THAP2: variants seen among roughly 807,000 people sequenced by gnomAD.
THAP2 encodes the protein THAP domain-containing protein 2.
Under a neutral mutation model 18.8 loss-of-function variants are expected in THAP2, and 16 were observed. That is an observed-to-expected ratio of 0.85 (90% confidence interval 0.58 to 1.29). The LOEUF is 1.29. Among genes scored for constraint, THAP2 ranks in the 50% most tolerant of loss-of-function variants. The pLI is 0.00. For missense variants in THAP2, 251 were observed against 265.3 expected, an observed-to-expected ratio of 0.95 and a Z score of 0.38; for synonymous variants, 80 against 89.2, an observed-to-expected ratio of 0.90 and a Z score of 0.58.
intron 1 of THAP2, among the ~76,000 whole-genome samples, chr12:71,668,636 G>A (rs1423302980): frequency 1.3e-5 from 2 of 152,178 alleles, no homozygotes; most frequent in Non-Finnish European, 1.5e-5. Context: ...TCATGGAAGA[G>A]AAGTCCTATG....
Position 71,676,932 on chromosome 12 carries a change from T to C in THAP2, c.511T>C (p.Cys171Arg). 6.2e-7 allele frequency: 1 copy of C among 1,613,816 alleles called. No homozygotes were observed. The highest frequency in any genetic ancestry group is 8.5e-7 in the Non-Finnish European group (1 of 1,179,748). ...AACTCGAAGATGGATCAAAGCCACGTGTTTGGTAAAGAATTTAGAAGCAAA... is the reference window on the plus strand; with the variant it reads ...AACTCGAAGATGGATCAAAGCCACGCGTTTGGTAAAGAATTTAGAAGCAAA... ...RATRRWIKAT[C>R]LVKNLEANSV... Residue 171 changes from cysteine to arginine, a missense_variant, in exon 3 of 3, where the codon TGT becomes CGT. Physicochemically the swap from Cys to Arg is radical, Grantham distance 180. Coordinates refer to ENST00000308086, the MANE Select transcript of THAP2 (RefSeq NM_031435.4).
At chr12:71,669,815 C>T (rs370054379) in intron 1 of THAP2, among the ~76,000 whole-genome samples, 2 of 151,846 alleles carry the variant, frequency 1.3e-5, no homozygotes, top group Non-Finnish European at 2.9e-5. Flanking sequence ...AAAAAATTAG[C>T]CAGGTGTGGT....
At chr12:71,669,258 G>A (rs1340753323) in intron 1 of THAP2, among the ~76,000 whole-genome samples, 1 of 152,172 alleles carries the variant, frequency 6.6e-6, no homozygotes, top group Non-Finnish European at 1.5e-5. Flanking sequence ...GTGCTATAGC[G>A]ACATCTAACC....
At chr12:71,670,692 A>G (rs1015501558) in intron 1 of THAP2, among the ~76,000 whole-genome samples, 3 of 152,148 alleles carry the variant, frequency 2.0e-5, no homozygotes, top group African/African-American at 7.2e-5. Context: ...TAATCCCAAC[A>G]TTTTGGGAGG....
intron 1 of THAP2, among the ~76,000 whole-genome samples, chr12:71,669,829 C>T (rs1279075460): frequency 1.3e-5 from 2 of 151,716 alleles, no homozygotes; most frequent in African/African-American, 2.4e-5. Context: ...GTGTGGTGGG[C>T]ACCTATAATC....
At chr12:71,664,702 C>A in intron 1 of THAP2, 122 bp downstream of exon 1, 2 of 1,062,128 alleles carry the variant, frequency 1.9e-6, no homozygotes, top group Non-Finnish European at 2.9e-6. Flanking sequence ...AGCAGGGAAG[C>A]ATCGTATGTC....
At chr12:71,669,704 C>T (rs1881400694) in intron 1 of THAP2, among the ~76,000 whole-genome samples, 1 of 151,962 alleles carries the variant, frequency 6.6e-6, no homozygotes, top group African/African-American at 2.4e-5. Context: ...GCCTGTAATC[C>T]TAGCACTTTG....
intron 2 of THAP2, 81 bp from the exon 3 acceptor site, chr12:71,676,608 T>C (rs547357961): frequency 7.0e-7 from 1 of 1,423,984 alleles, no homozygotes; most frequent in East Asian, 2.3e-5. Flanking sequence ...GTTTAAATAC[T>C]GTTATCCAAA....
At chr12:71,674,158 G>A in intron 1 of THAP2, 45 bp from the exon 2 acceptor site, 3 of 1,517,264 alleles carry the variant, frequency 2.0e-6, no homozygotes, top group Non-Finnish European at 2.6e-6. Context: ...GGTGCAGCCA[G>A]AATTATGATA....
At chr12:71,673,566 C>T (rs140589507) in intron 1 of THAP2, among the ~76,000 whole-genome samples, 146 of 152,254 alleles carry the variant, frequency 9.6e-4, no homozygotes, top group African/African-American at 3.0e-3. Flanking sequence ...TATATTATTA[C>T]TCTGTATTTG....
At chr12:71,676,150 G>A (rs1395450606) in intron 2 of THAP2, among the ~76,000 whole-genome samples, 1 of 152,072 alleles carries the variant, frequency 6.6e-6, no homozygotes, top group Non-Finnish European at 1.5e-5. Flanking sequence ...TTCCTAGCCA[G>A]ATTTTAAATC....
At chr12:71,665,442 T>G (rs937547407) in intron 1 of THAP2, 2 of 155,546 alleles carry the variant, frequency 1.3e-5, no homozygotes, top group African/African-American at 4.8e-5. Context: ...AAAAAAAATC[T>G]TGTGATGTTT....
rs1881287691 is a variant in THAP2, at chr12:71,664,453, C to G, written c.-57C>G. ...TTGTCCAGCCTCTGCCAGAAGAAAGCTTAGCAGCCAGCGCCTCAGTAGAGA... is the reference window on the plus strand; with the variant it reads ...TTGTCCAGCCTCTGCCAGAAGAAAGGTTAGCAGCCAGCGCCTCAGTAGAGA... On this transcript the variant is annotated 5_prime_UTR_variant, in exon 1 of 3. Transcript: ENST00000308086. 1 of 1,598,966 alleles carries G rather than the reference C, an allele frequency of 6.3e-7. No homozygotes were observed. The highest frequency in any genetic ancestry group is 2.2e-5 in the East Asian group (1 of 44,856).
intron 2 of THAP2, 149 bp downstream of exon 2, chr12:71,674,547 T>C (rs1437468887): frequency 3.3e-6 from 2 of 603,748 alleles, no homozygotes; most frequent in African/African-American, 3.8e-5. Flanking sequence ...CAGGCTAGAA[T>C]CAGAGTTTGG....
chr12:71,671,368 C>T (rs564355487), intron 1 of THAP2, among the ~76,000 whole-genome samples: 16 of 152,314 alleles, frequency 1.1e-4, no homozygotes, highest in African/African-American at 3.6e-4. Context: ...ACAACTTCTT[C>T]CTCATCATCT....
rs1881582475 is a variant in THAP2, at chr12:71,680,423, T to C, written c.*3315T>C. On this transcript the variant is annotated 3_prime_UTR_variant, in exon 3 of 3. Transcript: ENST00000308086. ...TCTTCTCTAAGTAGACTTTATAATA[T>C]TGTGTTTTATCTCATTTCTCAATAT... 1 of 152,618 alleles carries C rather than the reference T, an allele frequency of 6.6e-6. No homozygotes were observed. The highest frequency in any genetic ancestry group is 1.5e-5 in the Non-Finnish European group (1 of 68,014). The allele number at this position is 152,618 out of a possible 1,614,324, so 9.5% of individuals were successfully genotyped here.
chr12:71,677,018 T>C lies in THAP2; in HGVS notation c.597T>C (p.Pro199=), dbSNP rs1881532277. Reference sequence around the variant, plus strand: ...TACCAACTGCCTTAAGCAGTCTTCCTTTGGAAGATTTTAAGATCCTTGAAC... The same window carrying C: ...TACCAACTGCCTTAAGCAGTCTTCCCTTGGAAGATTTTAAGATCCTTGAAC... ...HMLPTALSSL[P]LEDFKILEQD... Residue 199 remains proline, a synonymous_variant, in exon 3 of 3, where the codon CCT becomes CCC. Coordinates refer to ENST00000308086, the MANE Select transcript of THAP2 (RefSeq NM_031435.4). 6.2e-7 allele frequency: 1 copy of C among 1,613,322 alleles called. No homozygotes were observed. Among genetic ancestry groups the C allele is most frequent in the Admixed American group, 1.7e-5 (1 of 59,952 alleles).
At chr12:71,674,881 T>C (rs1158317166) in intron 2 of THAP2, among the ~76,000 whole-genome samples, 2 of 151,986 alleles carry the variant, frequency 1.3e-5, no homozygotes, top group East Asian at 3.9e-4. Context: ...AAAGGGAACT[T>C]GGCTTTGCAC....
Position 71,679,966 on chromosome 12 carries a change from A to G in THAP2, c.*2858A>G, listed in dbSNP as rs1184508642. ...GGTATCTTTGTTAAAAGGAAAACAT[A>G]GCTATAAATAAAATACTACATCGAA... On this transcript the variant is annotated 3_prime_UTR_variant, in exon 3 of 3. Transcript: ENST00000308086. 3.3e-5 allele frequency: 5 copies of G among 152,232 alleles called. No homozygotes were observed. Among genetic ancestry groups the G allele is most frequent in the African/African-American group, 1.2e-4 (5 of 41,470 alleles). The allele number at this position is 152,232 out of a possible 1,614,324, so 9.4% of individuals were successfully genotyped here. A position where few individuals can be genotyped will look rare whatever the true frequency, so the allele number is the denominator to read the frequency against.
Sources: gnomAD v4.1 joint callset for allele counts (sites outside exome capture counted in the v4.1 genomes callset) on GRCh38, gnomAD v4.1.1 for gene constraint, MANE v1.5 for transcripts, NCBI Gene and HGNC (gene_info 2026-07-23, HGNC 2026-07-21) for gene names.